Variants in ZNF813 observed in about 807,000 individuals in gnomAD.
ZNF813 encodes the protein zinc finger protein 813.
ZNF813 carries 3 observed loss-of-function variants against 7.2 expected under a neutral mutation model. The observed-to-expected ratio is 0.42, with a 90% CI of 0.19 to 1.08. The LOEUF (loss-of-function observed/expected upper bound fraction) is 1.08. Among genes scored for constraint, ZNF813 ranks in the 50% least tolerant of loss-of-function variants. The probability of loss-of-function intolerance (pLI) is 0.30; values close to 1 mark genes in which losing one functional copy is unlikely to be tolerated. For synonymous variants in ZNF813, 227 were observed against 256.3 expected, an observed-to-expected ratio of 0.89 and a Z score of 1.09; for missense variants, 714 against 753.3, an observed-to-expected ratio of 0.95 and a Z score of 0.61.
In ZNF813 at chr19:53,486,987, T is replaced by G. The variant is rs1455095037; in HGVS notation, c.142+229T>G. ...ATGTCCGGCTACTTTTTTAGTTTTTTTTTTTTTTTTTTTTTTTAGAGAATG... is the reference window on the plus strand; with the variant it reads ...ATGTCCGGCTACTTTTTTAGTTTTTGTTTTTTTTTTTTTTTTTAGAGAATG... On this transcript the variant is annotated intron_variant, in intron 3 of 3. Transcript: ENST00000396403. Among the ~76,000 whole-genome samples the G allele has an allele frequency of 2.7e-5, 4 of 149,250 alleles. No homozygotes were observed. In the South Asian group the frequency reaches 6.3e-4, roughly 24 times the overall value.
chr19:53,478,051 G>C (rs1178463060), intron 1 of ZNF813, among the ~76,000 whole-genome samples: 1 of 152,222 alleles, frequency 6.6e-6, no homozygotes, highest in Non-Finnish European at 1.5e-5. Context: ...CAGCCAGAGA[G>C]CAGTGACTTA....
intron 1 of ZNF813, among the ~76,000 whole-genome samples, chr19:53,475,771 C>T (rs78974162): frequency 0.021 from 3,232 of 152,308 alleles, 131 homozygotes; most frequent in African/African-American, 0.074. Context: ...CTGGGCGATG[C>T]CACGATCCTA....
Position 53,490,407 on chromosome 19 carries a change from T to C in ZNF813, c.175T>C (p.Ser59Pro). ...ISSKCMMKEF[S>P]STAQGNREVI... ...TTCCAAATGCATGATGAAGGAGTTC[T>C]CATCAACAGCACAAGGCAATAGAGA... The change falls in exon 4 of 4, where the codon TCA (serine) becomes CCA (proline). Residue 59 changes from serine to proline, a missense_variant. Around this residue, in one of 3 missense-constraint regions of ZNF813, gnomAD observed 563 missense variants for 554.2 expected, o/e 1.02. Coordinates refer to ENST00000396403, the MANE Select transcript of ZNF813 (RefSeq NM_001004301.4). The C allele has an allele frequency of 6.2e-7, 1 of 1,614,122 alleles. No individual in the cohort carries two copies. The highest frequency in any genetic ancestry group is 8.5e-7 in the Non-Finnish European group (1 of 1,180,004).
intron 1 of ZNF813, among the ~76,000 whole-genome samples, chr19:53,469,031 C>T (rs914192417): frequency 9.9e-5 from 15 of 152,066 alleles, no homozygotes; most frequent in Non-Finnish European, 1.5e-4. Flanking sequence ...TGCGGCTTTC[C>T]GCAGTGCATT....
Position 53,490,666 on chromosome 19 carries a change from A to C in ZNF813, c.434A>C (p.His145Pro). The change falls in exon 4 of 4, where the codon CAT (histidine) becomes CCT (proline). Residue 145 changes from histidine (H) to proline (P), a missense_variant. His to Pro is a moderately conservative substitution (Grantham distance 77, BLOSUM62 -2). This residue lies in a region of ZNF813 where 563 missense variants were observed against 554.2 expected (regional missense o/e 1.02). Coordinates refer to ENST00000396403, the MANE Select transcript of ZNF813 (RefSeq NM_001004301.4). ...AAAGATCAGCTTGGATCAAGCTTTC[A>C]TTCGCATCTGCCTGAACTCCACATG... ...PIKDQLGSSF[H>P]SHLPELHMFQ... 1 of 1,614,196 alleles carries C rather than the reference A, an allele frequency of 6.2e-7. No homozygotes were observed.
intron 1 of ZNF813, among the ~76,000 whole-genome samples, chr19:53,476,036 G>T (rs1309215549): frequency 1.3e-5 from 2 of 152,194 alleles, no homozygotes; most frequent in South Asian, 4.1e-4. Context: ...CCTATTTGAC[G>T]TTGGGTGGCC....
At chr19:53,478,051 G>A (rs1178463060) in intron 1 of ZNF813, among the ~76,000 whole-genome samples, 1 of 152,222 alleles carries the variant, frequency 6.6e-6, no homozygotes, top group Admixed American at 6.5e-5. Flanking sequence ...CAGCCAGAGA[G>A]CAGTGACTTA....
At chr19:53,480,421 A>T (rs549839185) in intron 1 of ZNF813, among the ~76,000 whole-genome samples, 2 of 151,822 alleles carry the variant, frequency 1.3e-5, no homozygotes, top group Non-Finnish European at 2.9e-5. Context: ...ACATCCTATA[A>T]TCAGCTCACA....
intron 1 of ZNF813, among the ~76,000 whole-genome samples, chr19:53,481,403 A>G (rs1191996435): frequency 2.2e-5 from 3 of 136,686 alleles, no homozygotes; most frequent in African/African-American, 2.9e-5. Flanking sequence ...CTAGAGTGCA[A>G]TGGTGTGATC....
chr19:53,490,471 A>G lies in ZNF813; in HGVS notation c.239A>G (p.His80Arg), dbSNP rs987382002. 3.1e-6 allele frequency: 5 copies of G among 1,614,202 alleles called. No individual in the cohort carries two copies. The highest frequency in any genetic ancestry group is 4.2e-6 in the Non-Finnish European group (5 of 1,180,018). Residue 80 changes from histidine (H) to arginine (R), a missense_variant, in exon 4 of 4, where the codon CAT becomes CGT. Around this residue, in one of 3 missense-constraint regions of ZNF813, gnomAD observed 563 missense variants for 554.2 expected, o/e 1.02. Coordinates refer to ENST00000396403, the MANE Select transcript of ZNF813 (RefSeq NM_001004301.4). The part of the protein sequence containing the change: ...HTGTLQRHES[H>R]HTGDFRFQEI... ...GGGACATTGCAAAGACATGAAAGTC[A>G]TCACACTGGAGACTTTCGCTTTCAG...
At chr19:53,475,757 G>A (rs939049208) in intron 1 of ZNF813, among the ~76,000 whole-genome samples, 14 of 152,214 alleles carry the variant, frequency 9.2e-5, no homozygotes, top group Non-Finnish European at 1.5e-4. Context: ...GGATAAATGT[G>A]CCACTGGGCG....
intron 1 of ZNF813, among the ~76,000 whole-genome samples, chr19:53,482,151 T>C (rs1171890289): frequency 6.6e-6 from 1 of 151,978 alleles, no homozygotes; most frequent in Non-Finnish European, 1.5e-5. Context: ...GAGTGCCCAG[T>C]TGTAATTAGA....
At position 53,492,767 on chromosome 19, in the gene ZNF813, G is replaced by A. The variant is rs571863705; in HGVS notation, c.*681G>A. 4.8e-5 allele frequency: 29 copies of A among 599,350 alleles called. No homozygotes were observed. Among genetic ancestry groups the A allele is most frequent in the South Asian group, 3.5e-4 (24 of 68,012 alleles). 37.1% of individuals were successfully genotyped at this position (599,350 alleles called of 1,614,324 possible). On this transcript the variant is annotated 3_prime_UTR_variant, in exon 4 of 4. Coordinates refer to ENST00000396403, the MANE Select transcript of ZNF813 (RefSeq NM_001004301.4). ...CGTCCATACCTTGCAGTTCATTGGCGAACTCATACTGGAGACAAACCTTAT... is the reference window on the plus strand; with the variant it reads ...CGTCCATACCTTGCAGTTCATTGGCAAACTCATACTGGAGACAAACCTTAT...
In ZNF813 at chr19:53,490,289, A is replaced by G. The variant is rs539114616; in HGVS notation, c.143-86A>G. On this transcript the variant is annotated intron_variant, in intron 3 of 3. Transcript: ENST00000396403. ...GATCATGTTGGGGAAGTTTAAAATG[A>G]GTATTTTTTGTGTCACATTTACACA... The G allele has an allele frequency of 1.3e-5, 17 of 1,354,638 alleles. No homozygotes were observed. In the East Asian group the frequency reaches 4.1e-4, roughly 33 times the overall value. The allele number at this position is 1,354,638 out of a possible 1,614,324, so 83.9% of individuals were successfully genotyped here. A position where few individuals can be genotyped will look rare whatever the true frequency, so the allele number is the denominator to read the frequency against.
chr19:53,472,610 TC>T (rs148451594), intron 1 of ZNF813, among the ~76,000 whole-genome samples: 5 of 145,770 alleles, frequency 3.4e-5, no homozygotes, highest in East Asian at 2.1e-4. Context: ...TACAAGTCTT[TC>T]TTTTTTTTTT....
chr19:53,473,225 C>T (rs1165289393), intron 1 of ZNF813, among the ~76,000 whole-genome samples: 1 of 152,202 alleles, frequency 6.6e-6, no homozygotes, highest in Non-Finnish European at 1.5e-5. Flanking sequence ...CATTTACTTG[C>T]TTGATGAGTC....
At chr19:53,474,849 A>G (rs922751171) in intron 1 of ZNF813, among the ~76,000 whole-genome samples, 1 of 152,116 alleles carries the variant, frequency 6.6e-6, no homozygotes, top group Non-Finnish European at 1.5e-5. Flanking sequence ...TATATTTTTT[A>G]TCTTCTTGGG....
At position 53,488,580 on chromosome 19, in the gene ZNF813, T is replaced by C. The variant is rs575769132; in HGVS notation, c.143-1795T>C. ...CATGTCACCACACCCGGCTAATTTT[T>C]TGTATTTTTTTTTTTTTTGTAGAGG... On this transcript the variant is annotated intron_variant, in intron 3 of 3. Transcript: ENST00000396403. 1.2e-4 allele frequency among the ~76,000 whole-genome samples: 17 copies of C among 136,448 alleles called. No homozygotes were observed. The Admixed American group carries it at 1.3e-3, about 10-fold the overall frequency. 89.5% of individuals were successfully genotyped at this position (136,448 alleles called of 152,430 possible).
At chr19:53,474,688 CA>C (rs145174944) in intron 1 of ZNF813, among the ~76,000 whole-genome samples, 33 of 145,626 alleles carry the variant, frequency 2.3e-4, no homozygotes, top group Admixed American at 1.4e-4. Context: ...GACTCAATCT[CA>C]AAAAAAAAAC....
Sources: gnomAD v4.1 joint callset for allele counts (sites outside exome capture counted in the v4.1 genomes callset) on GRCh38, gnomAD v4.1.1 for gene constraint, gnomAD v4.1.1 regional missense constraint, MANE v1.5 for transcripts, NCBI Gene and HGNC (gene_info 2026-07-23, HGNC 2026-07-21) for gene names.